VRK1: variants seen among roughly 807,000 people sequenced by gnomAD.
VRK1 encodes the protein VRK serine/threonine kinase 1, also known as serine/threonine-protein kinase VRK1.
Under a neutral mutation model 57.1 loss-of-function variants are expected in VRK1, and 33 were observed. The ratio of observed to expected loss-of-function variants is 0.58; its 90% CI spans 0.44 to 0.77. The LOEUF is 0.77. Among genes scored for constraint, VRK1 ranks in the 30% least tolerant of loss-of-function variants. The probability of loss-of-function intolerance (pLI) is 0.00; values close to 1 mark genes in which losing one functional copy is unlikely to be tolerated. For synonymous variants in VRK1, 137 were observed against 147.8 expected (o/e 0.93, Z 0.53); for missense variants, 413 against 477.3 (o/e 0.87, Z 1.25).
chr14:96,865,861 A>G (rs775520284), intron 11 of VRK1, among the ~76,000 whole-genome samples: 4 of 151,646 alleles, frequency 2.6e-5, no homozygotes, highest in Non-Finnish European at 4.4e-5. Flanking sequence ...CCTAATATAT[A>G]TAAGTTCTGT....
At chr14:96,870,508 A>AT (rs1888778769) in intron 11 of VRK1, among the ~76,000 whole-genome samples, 1 of 152,292 alleles carries the variant, frequency 6.6e-6, no homozygotes, top group East Asian at 1.9e-4. Context: ...ACACTGACAT[A>AT]TTAGTCTTCT....
intron 1 of VRK1, among the ~76,000 whole-genome samples, chr14:96,808,017 C>CTGTG (rs3049309): frequency 0.042 from 5,351 of 127,164 alleles, 157 homozygotes; most frequent in African/African-American, 0.06. Context: ...CTCTCTCCCT[C>CTGTG]TGTGTGTGTG....
intron 1 of VRK1, among the ~76,000 whole-genome samples, chr14:96,809,216 T>A (rs1427130268): frequency 6.6e-6 from 1 of 152,122 alleles, no homozygotes; most frequent in East Asian, 1.9e-4. Context: ...TCTTCAGAAG[T>A]CATATAATCT....
At chr14:96,818,810 A>G (rs1886488682) in intron 1 of VRK1, among the ~76,000 whole-genome samples, 1 of 152,226 alleles carries the variant, frequency 6.6e-6, no homozygotes, top group South Asian at 2.1e-4. Flanking sequence ...GAATTTTAAT[A>G]TCTAATGAAT....
intron 3 of VRK1, among the ~76,000 whole-genome samples, chr14:96,843,045 C>T (rs1408279190): frequency 6.6e-6 from 1 of 152,198 alleles, no homozygotes; most frequent in Non-Finnish European, 1.5e-5. Context: ...TTAAGACATA[C>T]CCATTCAAGG....
At chr14:96,806,711 T>G (rs1645862004) in intron 1 of VRK1, among the ~76,000 whole-genome samples, 1 of 152,198 alleles carries the variant, frequency 6.6e-6, no homozygotes, top group South Asian at 2.1e-4. Context: ...AATAAATGTT[T>G]GTCATCATCA....
At chr14:96,805,514 C>G (rs542193309) in intron 1 of VRK1, among the ~76,000 whole-genome samples, 5 of 152,210 alleles carry the variant, frequency 3.3e-5, no homozygotes, top group Non-Finnish European at 7.3e-5. Flanking sequence ...TTATACTCTT[C>G]CCCTCCCCTG....
chr14:96,804,916 A>T (rs1441426157), intron 1 of VRK1, among the ~76,000 whole-genome samples: 1 of 152,232 alleles, frequency 6.6e-6, no homozygotes, highest in Non-Finnish European at 1.5e-5. Context: ...AGGACTTCCA[A>T]ACTGTTTCGT....
intron 1 of VRK1, among the ~76,000 whole-genome samples, chr14:96,828,682 A>AT (rs946215897): frequency 1.7e-4 from 25 of 149,130 alleles, no homozygotes; most frequent in African/African-American, 2.5e-4. Context: ...ACCAAGTATA[A>AT]TTTTTTTTTT....
intron 1 of VRK1, among the ~76,000 whole-genome samples, chr14:96,819,516 A>C (rs1041216514): frequency 1.3e-5 from 2 of 152,182 alleles, no homozygotes; most frequent in African/African-American, 4.8e-5. Flanking sequence ...TTCCACTGAT[A>C]ATTAGGTTGG....
intron 4 of VRK1, 114 bp from the exon 5 acceptor site, chr14:96,847,143 A>T: frequency 1.3e-6 from 1 of 762,394 alleles, no homozygotes; most frequent in Non-Finnish European, 2.2e-6. Flanking sequence ...CTTTTTTATG[A>T]ATACAGGTGA....
rs915264541 is a variant in VRK1, at chr14:96,853,088, A to G, written c.498A>G (p.Glu166=). ...QLSLRILDIL[E]YIHEHEYVHG... ...TACTTTCATAGCTGGATATTCTGGA[A>G]TATATTCACGAGCATGAGTATGTGC... Residue 166 remains glutamate (E), a synonymous_variant, in exon 7 of 13, where the codon GAA becomes GAG. Coordinates refer to ENST00000216639, the MANE Select transcript of VRK1 (RefSeq NM_003384.3). 6.2e-7 allele frequency: 1 copy of G among 1,613,864 alleles called. No individual in the cohort carries two copies. Among genetic ancestry groups the G allele is most frequent in the Non-Finnish European group, 8.5e-7 (1 of 1,179,824 alleles).
In VRK1 at chr14:96,852,809, G is replaced by A. The variant is rs186980733; in HGVS notation, c.375-22G>A. 3.8e-6 allele frequency: 6 copies of A among 1,596,738 alleles called. No individual in the cohort carries two copies. The East Asian group carries it at 1.3e-4, about 36-fold the overall frequency. On this transcript the variant is annotated intron_variant, in intron 5 of 12. Coordinates refer to ENST00000216639, the MANE Select transcript of VRK1 (RefSeq NM_003384.3). ...TTTCTTGCATTGTATTTTGTTCATT[G>A]GCTTTTCATATTTGTCTTCAGTTAC... is the stretch of plus-strand genomic sequence containing the variant.
At chr14:96,861,701 A>C (rs1037842418) in intron 11 of VRK1, among the ~76,000 whole-genome samples, 1 of 152,332 alleles carries the variant, frequency 6.6e-6, no homozygotes, top group South Asian at 2.1e-4. Context: ...GCCAAATAGC[A>C]GGTCTCTGTA....
intron 11 of VRK1, 188 bp downstream of exon 11, chr14:96,860,923 T>C (rs1443824683): frequency 6.2e-6 from 3 of 485,054 alleles, no homozygotes; most frequent in South Asian, 7.4e-5. Context: ...ATATTTCTTA[T>C]GTTTAGTAGC....
At chr14:96,846,861 G>T (rs1638486828) in intron 4 of VRK1, among the ~76,000 whole-genome samples, 2 of 152,002 alleles carry the variant, frequency 1.3e-5, no homozygotes, top group Admixed American at 6.6e-5. Context: ...GTATATAAGA[G>T]GATGTGTGGA....
rs1201349302 is a variant in VRK1, at chr14:96,797,395, G to A, written c.-58G>A. On this transcript the variant is annotated 5_prime_UTR_variant, in exon 1 of 13. Coordinates refer to ENST00000216639, the MANE Select transcript of VRK1 (RefSeq NM_003384.3). ...CGCCGCTGCCGAGTTACGAGTCGGC[G>A]AAAGCGGCGGGAAGTTCGTACTGGG... The A allele has an allele frequency of 6.6e-6, 1 of 152,172 alleles. No individual in the cohort carries two copies. Among genetic ancestry groups the A allele is most frequent in the Non-Finnish European group, 1.5e-5 (1 of 68,052 alleles). The allele number at this position is 152,172 out of a possible 1,614,324, so 9.4% of individuals were successfully genotyped here.
chr14:96,878,304 G>T (rs1344932600), intron 12 of VRK1, among the ~76,000 whole-genome samples: 1 of 152,026 alleles, frequency 6.6e-6, no homozygotes, highest in Non-Finnish European at 1.5e-5. Flanking sequence ...TATTACATTT[G>T]TTTTTTTAAT....
chr14:96,880,638 G>T (rs1889223974), intron 12 of VRK1, among the ~76,000 whole-genome samples: 1 of 152,176 alleles, frequency 6.6e-6, no homozygotes, highest in Non-Finnish European at 1.5e-5. Context: ...TTTCCAGGAG[G>T]CTACTCATTT....
Sources: allele counts gnomAD v4.1 joint callset (sites outside exome capture counted in the v4.1 genomes callset), GRCh38; gene constraint gnomAD v4.1.1; transcripts MANE v1.5; gene names NCBI Gene and HGNC (gene_info 2026-07-23, HGNC 2026-07-21).